SNTB1: variants seen among roughly 807,000 people sequenced by gnomAD.
SNTB1 encodes beta-1-syntrophin.
Under a neutral mutation model 48.9 loss-of-function variants are expected in SNTB1, and 36 were observed. The observed-to-expected ratio is 0.74, with a 90% CI of 0.56 to 0.97. The LOEUF (loss-of-function observed/expected upper bound fraction) is 0.97, where lower values mean the gene tolerates loss of function less well. Among genes scored for constraint, SNTB1 ranks in the 50% least tolerant of loss-of-function variants. The pLI is 0.00. For missense variants in SNTB1, 786 were observed against 703.4 expected (o/e 1.12, Z -1.33); for synonymous variants, 299 against 294.6 (o/e 1.01, Z -0.15).
intron 1 of SNTB1, among the ~76,000 whole-genome samples, chr8:120,694,563 CATTA>C (rs1563853809): frequency 6.6e-6 from 1 of 150,842 alleles, no homozygotes; most frequent in Admixed American, 6.6e-5. Context: ...TAATATATAT[CATTA>C]ATTCTTTATA....
intron 2 of SNTB1, chr8:120,655,023 GA>G (rs1195647740): frequency 2.2e-6 from 1 of 455,616 alleles, no homozygotes; most frequent in Non-Finnish European, 4.4e-6. Flanking sequence ...TCAAATCTGT[GA>G]TTCCTATGGC....
At chr8:120,751,650 C>G (rs997385909) in intron 1 of SNTB1, among the ~76,000 whole-genome samples, 2 of 152,050 alleles carry the variant, frequency 1.3e-5, no homozygotes, top group Non-Finnish European at 2.9e-5. Context: ...ATTATATATA[C>G]ATTTATATAT....
intron 4 of SNTB1, among the ~76,000 whole-genome samples, chr8:120,554,817 A>G (rs1344864402): frequency 6.6e-6 from 1 of 152,184 alleles, no homozygotes; most frequent in East Asian, 1.9e-4. Flanking sequence ...ACTGGCCTCC[A>G]GCAAAGCAGA....
chr8:120,637,723 C>T, intron 2 of SNTB1: 1 of 444,000 alleles, frequency 2.3e-6, no homozygotes, highest in South Asian at 1.7e-5. Context: ...TTGAAATGGA[C>T]ATCTGCTTCA....
At chr8:120,808,580 C>G (rs748471380) in intron 1 of SNTB1, among the ~76,000 whole-genome samples, 5 of 152,182 alleles carry the variant, frequency 3.3e-5, no homozygotes, top group African/African-American at 4.8e-5. Flanking sequence ...TTGATATACG[C>G]CTTTCATTCT....
chr8:120,555,360 G>A (rs1815549845), intron 4 of SNTB1, among the ~76,000 whole-genome samples: 1 of 152,156 alleles, frequency 6.6e-6, no homozygotes, highest in Admixed American at 6.5e-5. Flanking sequence ...GATTTAGGCA[G>A]GACTCACAGA....
intron 3 of SNTB1, among the ~76,000 whole-genome samples, chr8:120,594,528 G>A (rs370034034): frequency 3.3e-5 from 5 of 151,758 alleles, no homozygotes; most frequent in African/African-American, 4.8e-5. Context: ...GTGAGCCACC[G>A]CACTCAACCA....
intron 1 of SNTB1, among the ~76,000 whole-genome samples, chr8:120,707,521 G>A (rs1288370248): frequency 1.3e-5 from 2 of 152,190 alleles, no homozygotes; most frequent in African/African-American, 4.8e-5. Context: ...TAAACCTCTA[G>A]AAGGTTCACT....
intron 2 of SNTB1, among the ~76,000 whole-genome samples, chr8:120,633,168 C>A (rs142347158): frequency 2.6e-5 from 4 of 152,206 alleles, no homozygotes; most frequent in Admixed American, 1.3e-4. Flanking sequence ...ATTTTAGAAT[C>A]GAAGATGACC....
chr8:120,793,056 G>A (rs1016227418), intron 1 of SNTB1, among the ~76,000 whole-genome samples: 1 of 151,908 alleles, frequency 6.6e-6, no homozygotes, highest in African/African-American at 2.4e-5. Flanking sequence ...ATACTAAGAG[G>A]TGCTCAATGT....
intron 1 of SNTB1, among the ~76,000 whole-genome samples, chr8:120,720,419 G>A (rs11992540): frequency 0.075 from 11,374 of 152,298 alleles, 419 homozygotes; most frequent in Admixed American, 0.1. Flanking sequence ...TGACAACTGA[G>A]TCTTTTCCGT....
intron 2 of SNTB1, among the ~76,000 whole-genome samples, chr8:120,655,493 A>T (rs531381152): frequency 7.8e-4 from 119 of 152,336 alleles, no homozygotes; most frequent in African/African-American, 2.7e-3. Context: ...CACAGATAAG[A>T]AGATGGTGTC....
chr8:120,578,476 G>C (rs1478187960), intron 3 of SNTB1, among the ~76,000 whole-genome samples: 1 of 152,178 alleles, frequency 6.6e-6, no homozygotes, highest in African/African-American at 2.4e-5. Context: ...TTTTGGAGAT[G>C]TGTCTGCATT....
chr8:120,598,693 C>T (rs1816367404), intron 3 of SNTB1, among the ~76,000 whole-genome samples: 1 of 152,138 alleles, frequency 6.6e-6, no homozygotes, highest in African/African-American at 2.4e-5. Flanking sequence ...GTTCTGGAGG[C>T]CAAAAGTCTG....
chr8:120,787,167 T>A (rs868649451), intron 1 of SNTB1, among the ~76,000 whole-genome samples: 2 of 151,970 alleles, frequency 1.3e-5, no homozygotes, highest in Non-Finnish European at 2.9e-5. Context: ...TAGGTGACAA[T>A]AACCTATAAA....
At chr8:120,585,767 A>G (rs1324356837) in intron 3 of SNTB1, among the ~76,000 whole-genome samples, 2 of 152,176 alleles carry the variant, frequency 1.3e-5, no homozygotes, top group Non-Finnish European at 2.9e-5. Flanking sequence ...TGCTCACCCC[A>G]GGGCAGATGT....
intron 1 of SNTB1, chr8:120,765,814 A>G (rs1819512606): frequency 6.6e-6 from 1 of 152,096 alleles, no homozygotes; most frequent in African/African-American, 2.4e-5. Context: ...CATGATAGCT[A>G]GAGTTTCAGA....
chr8:120,665,026 G>T (rs1359240338), intron 2 of SNTB1, among the ~76,000 whole-genome samples: 2 of 152,190 alleles, frequency 1.3e-5, no homozygotes, highest in African/African-American at 4.8e-5. Flanking sequence ...ATTGACTAAT[G>T]AAGTAGATCA....
chr8:120,607,258 G>A (rs1816538473), intron 3 of SNTB1, among the ~76,000 whole-genome samples: 1 of 152,158 alleles, frequency 6.6e-6, no homozygotes, highest in Admixed American at 6.5e-5. Context: ...AACACAAAGA[G>A]TATCTAAACA....
Sources: allele counts gnomAD v4.1 joint callset (sites outside exome capture counted in the v4.1 genomes callset), GRCh38; gene constraint gnomAD v4.1.1; transcripts MANE v1.5; gene names NCBI Gene and HGNC (gene_info 2026-07-23, HGNC 2026-07-21).